Variants in CACNA1A observed in about 807,000 individuals in gnomAD.
CACNA1A encodes the protein calcium voltage-gated channel subunit alpha1 A, also known as voltage-dependent P/Q-type calcium channel subunit alpha-1A.
In CACNA1A, 57 loss-of-function variants were observed where a neutral mutation model predicts 262.4. The ratio of observed to expected loss-of-function variants is 0.22; its 90% confidence interval spans 0.18 to 0.27. The LOEUF (loss-of-function observed/expected upper bound fraction) is 0.27. CACNA1A is among the 10% of genes least tolerant of loss of function. The pLI is 1.00. For missense variants in CACNA1A, 2,526 were observed against 3,562.8 expected, an observed-to-expected ratio of 0.71 and a Z score of 7.41; for synonymous variants, 1,431 against 1,419.3, an observed-to-expected ratio of 1.01 and a Z score of -0.18.
intron 3 of CACNA1A, among the ~76,000 whole-genome samples, chr19:13,406,509 A>G (rs76247935): frequency 0.033 from 3,652 of 109,462 alleles, 256 homozygotes; most frequent in African/African-American, 0.086. Context: ...ATATATATAT[A>G]TATGAAGGGA....
intron 3 of CACNA1A, among the ~76,000 whole-genome samples, chr19:13,445,305 T>C (rs1386029726): frequency 1.3e-5 from 2 of 152,308 alleles, no homozygotes; most frequent in South Asian, 2.1e-4. Context: ...TTCCGTTTCA[T>C]AGAGTCATAA....
rs1600114799 is a variant in CACNA1A, at chr19:13,224,849, C to T, written c.5626-77G>A. 8.6e-6 allele frequency: 8 copies of T among 933,838 alleles called. No individual in the cohort carries two copies. In the East Asian group the frequency reaches 2.1e-4, roughly 25 times the overall value. The allele number at this position is 933,838 out of a possible 1,614,324, so 57.8% of individuals were successfully genotyped here. ...CTCCCGTGAGCCGCGCCCGCCCCTA[C>T]CCAGGGAGTCCCAGGAAGAACTCTG... On this transcript the variant is annotated intron_variant, in intron 37 of 46. Coordinates refer to ENST00000360228, the MANE Select transcript of CACNA1A (RefSeq NM_001127222.2).
At chr19:13,468,878 A>G (rs1269163908) in intron 1 of CACNA1A, among the ~76,000 whole-genome samples, 1 of 152,184 alleles carries the variant, frequency 6.6e-6, no homozygotes, top group Non-Finnish European at 1.5e-5. Context: ...GGCAGCCTCA[A>G]ATTAGTTCCT....
intron 28 of CACNA1A, 122 bp from the exon 29 acceptor site, chr19:13,255,381 TG>T: frequency 1.2e-6 from 1 of 856,838 alleles, no homozygotes; most frequent in Non-Finnish European, 1.7e-6. Context: ...CTGCCTCTCT[TG>T]CCCCCAGCCA....
intron 10 of CACNA1A, among the ~76,000 whole-genome samples, chr19:13,329,578 T>C (rs2058431776): frequency 6.6e-6 from 1 of 150,882 alleles, no homozygotes; most frequent in African/African-American, 2.4e-5. Context: ...AACCTCTGCT[T>C]CCCAGGTTCA....
At chr19:13,239,651 G>A (rs927761221) in intron 31 of CACNA1A, among the ~76,000 whole-genome samples, 1 of 152,204 alleles carries the variant, frequency 6.6e-6, no homozygotes, top group Non-Finnish European at 1.5e-5. Context: ...TTGGTGGGTA[G>A]GAGAGGGGCA....
chr19:13,278,120 C>T, intron 22 of CACNA1A, among the ~76,000 whole-genome samples: 1 of 151,430 alleles, frequency 6.6e-6, no homozygotes, highest in Non-Finnish European at 1.5e-5. Flanking sequence ...CACCCAGAAG[C>T]TGCAAGGGCT....
intron 3 of CACNA1A, among the ~76,000 whole-genome samples, chr19:13,421,985 G>A (rs1302308611): frequency 6.6e-6 from 1 of 152,124 alleles, no homozygotes; most frequent in Non-Finnish European, 1.5e-5. Context: ...TAATTCCAAG[G>A]CTATCCAGTG....
intron 23 of CACNA1A, among the ~76,000 whole-genome samples, chr19:13,276,419 C>T (rs905812241): frequency 2.6e-5 from 4 of 152,186 alleles, no homozygotes; most frequent in Non-Finnish European, 5.9e-5. Context: ...CCTGTGAACA[C>T]CTGGATCAAG....
chr19:13,417,913 A>G (rs1171670965), intron 3 of CACNA1A, among the ~76,000 whole-genome samples: 1 of 148,738 alleles, frequency 6.7e-6, no homozygotes, highest in African/African-American at 2.5e-5. Flanking sequence ...AAAAAAGAGA[A>G]CCATAGCATC....
At chr19:13,334,549 TTGTGTGTGTGTTTGTGTGTGTGTGTG>T (rs1282266567) in intron 7 of CACNA1A, 56 bp from the exon 8 acceptor site, 3 of 724,704 alleles carry the variant, frequency 4.1e-6, no homozygotes, top group African/African-American at 2.6e-5. Context: ...TAGGAAACGT[TTGTGTGTGTGTTTGTGTGTGTGTGTG>T]TGTGTGTGTG....
At chr19:13,223,655 C>T (rs1234654557) in intron 38 of CACNA1A, among the ~76,000 whole-genome samples, 3 of 152,168 alleles carry the variant, frequency 2.0e-5, no homozygotes, top group Non-Finnish European at 2.9e-5. Context: ...CGTGCCCTCA[C>T]TCAGAAGGTG....
chr19:13,341,772 A>T (rs966570318), intron 6 of CACNA1A, among the ~76,000 whole-genome samples: 5 of 151,570 alleles, frequency 3.3e-5, no homozygotes, highest in African/African-American at 1.2e-4. Flanking sequence ...CTTTTTTCCC[A>T]TTTGCATTTC....
chr19:13,462,571 C>A (rs1042285220), intron 1 of CACNA1A, among the ~76,000 whole-genome samples: 2 of 152,198 alleles, frequency 1.3e-5, no homozygotes, highest in African/African-American at 4.8e-5. Context: ...TGGGCAGATA[C>A]CGTGGTAAGC....
intron 6 of CACNA1A, among the ~76,000 whole-genome samples, chr19:13,345,679 G>A (rs922560419): frequency 5.3e-5 from 8 of 152,150 alleles, no homozygotes; most frequent in South Asian, 2.1e-4. Context: ...GAGAACACCC[G>A]TTTCTCCAGT....
chr19:13,454,969 G>A (rs2144946424), intron 2 of CACNA1A, 138 bp downstream of exon 2: 2 of 568,376 alleles, frequency 3.5e-6, no homozygotes, highest in Non-Finnish European at 3.2e-6. Flanking sequence ...AAGAAAAAAT[G>A]AAAAGGAAAT....
intron 25 of CACNA1A, 68 bp from the exon 26 acceptor site, chr19:13,261,678 CCAT>C: frequency 6.8e-7 from 1 of 1,464,512 alleles, no homozygotes. Context: ...CTCCAGTGGC[CCAT>C]CATACCAAAA....
intron 3 of CACNA1A, among the ~76,000 whole-genome samples, chr19:13,414,867 G>T (rs368868604): frequency 2.6e-5 from 4 of 152,132 alleles, no homozygotes; most frequent in African/African-American, 4.8e-5. Flanking sequence ...AGAGGCTGAG[G>T]GGGGAGGATC....
At chr19:13,235,903 C>G in intron 31 of CACNA1A, 173 bp from the exon 32 acceptor site, 1 of 553,564 alleles carries the variant, frequency 1.8e-6, no homozygotes, top group Non-Finnish European at 3.2e-6. Context: ...AGGAAAAACT[C>G]GAAAAAGGAA....
Sources: gnomAD v4.1 joint callset for allele counts (sites outside exome capture counted in the v4.1 genomes callset) on GRCh38, gnomAD v4.1.1 for gene constraint, MANE v1.5 for transcripts, NCBI Gene and HGNC (gene_info 2026-07-23, HGNC 2026-07-21) for gene names.